Variants in CALN1 observed in about 807,000 individuals in gnomAD.
The protein encoded by CALN1 is calneuron 1.
Under a neutral mutation model 30.6 loss-of-function variants are expected in CALN1, and 17 were observed. The observed-to-expected ratio is 0.56, with a 90% confidence interval of 0.38 to 0.83. The LOEUF (loss-of-function observed/expected upper bound fraction) is 0.83. CALN1 is among the 40% of genes least tolerant of loss of function. CALN1 has a pLI of 0.00. For missense variants in CALN1, 291 were observed against 354.9 expected (o/e 0.82, Z 1.45); for synonymous variants, 156 against 131.4 (o/e 1.19, Z -1.28).
chr7:71,903,651 T>G (rs1211985671), intron 5 of CALN1, among the ~76,000 whole-genome samples: 2 of 152,144 alleles, frequency 1.3e-5, no homozygotes, highest in African/African-American at 2.4e-5. Context: ...GGGCAAAGAC[T>G]CTTTTGGGTA....
At chr7:72,163,025 T>C (rs1435463322) in intron 3 of CALN1, among the ~76,000 whole-genome samples, 1 of 152,220 alleles carries the variant, frequency 6.6e-6, no homozygotes, top group Non-Finnish European at 1.5e-5. Context: ...ATTGCCAGAA[T>C]GCTGAAAGTG....
chr7:72,174,389 C>T (rs1193303464), intron 3 of CALN1, among the ~76,000 whole-genome samples: 1 of 152,054 alleles, frequency 6.6e-6, no homozygotes, highest in Non-Finnish European at 1.5e-5. Context: ...TAGCTATTTA[C>T]CCAAGAGAAA....
chr7:72,094,186 A>G (rs768592631), intron 4 of CALN1, among the ~76,000 whole-genome samples: 1 of 152,258 alleles, frequency 6.6e-6, no homozygotes, highest in Non-Finnish European at 1.5e-5. Flanking sequence ...GAATAGGTGT[A>G]ACAATGGACT....
intron 2 of CALN1, among the ~76,000 whole-genome samples, chr7:72,288,559 A>G (rs544605336): frequency 2.2e-4 from 33 of 152,314 alleles, no homozygotes; most frequent in African/African-American, 7.5e-4. Flanking sequence ...AAACACCTTA[A>G]TGATTGTGAC....
rs1228846922 is a variant in CALN1 at position 72,364,341 on chromosome 7, G to A, written c.119+38910C>T. On this transcript the variant is annotated intron_variant, in intron 2 of 6. Coordinates refer to ENST00000395275, the MANE Select transcript of CALN1 (RefSeq NM_031468.4). ...CAGAGTCAAAATAATTAATGGGGAA[G>A]AACTAGCTCTACCTGAGCTTAAATA... is the stretch of plus-strand genomic sequence containing the variant. 2.0e-5 allele frequency among the ~76,000 whole-genome samples: 3 copies of A among 152,178 alleles called. No homozygotes were observed. In the East Asian group the frequency reaches 5.8e-4, roughly 29 times the overall value.
rs191723547 is a variant in CALN1, at chr7:72,166,415, C to T, written c.245-60121G>A. On this transcript the variant is annotated intron_variant, in intron 3 of 6. Coordinates refer to ENST00000395275, the MANE Select transcript of CALN1 (RefSeq NM_031468.4). ...GTGTTGCCCAGGCTGGTCTTGAACT[C>T]CTGGTCTCAAGTGATCCTTCCACCT... 3.6e-3 allele frequency among the ~76,000 whole-genome samples: 551 copies of T among 152,246 alleles called. 2 individuals are homozygous for T. The highest frequency in any genetic ancestry group is 0.027 in the Middle Eastern group (8 of 294).
chr7:72,323,678 A>AAAT (rs1801065463), intron 2 of CALN1, among the ~76,000 whole-genome samples: 1 of 108,752 alleles, frequency 9.2e-6, no homozygotes, highest in African/African-American at 2.7e-5. Flanking sequence ...AAAAAAATAA[A>AAAT]AAATAAAGAG....
chr7:71,975,940 T>G (rs1798080917), intron 5 of CALN1, among the ~76,000 whole-genome samples: 1 of 148,960 alleles, frequency 6.7e-6, no homozygotes, highest in South Asian at 2.3e-4. Flanking sequence ...TGGCAAAAAC[T>G]GCAATTACTT....
chr7:71,818,591 A>C (rs186585994), intron 5 of CALN1, among the ~76,000 whole-genome samples: 2 of 152,040 alleles, frequency 1.3e-5, no homozygotes, highest in Non-Finnish European at 2.9e-5. Context: ...GCTGGACTTG[A>C]ATTCCTGTGC....
intron 3 of CALN1, among the ~76,000 whole-genome samples, chr7:72,197,348 C>A (rs946134138): frequency 2.0e-5 from 3 of 151,882 alleles, no homozygotes; most frequent in Admixed American, 2.0e-4. Flanking sequence ...ATTACAGGCG[C>A]ACACCACCAC....
At chr7:71,838,874 T>C (rs921453366) in intron 5 of CALN1, among the ~76,000 whole-genome samples, 1 of 152,114 alleles carries the variant, frequency 6.6e-6, no homozygotes, top group African/African-American at 2.4e-5. Context: ...TCCCCAGCCA[T>C]ACTGAACTGT....
upstream of CALN1, among the ~76,000 whole-genome samples, chr7:72,413,284 A>G (rs1218218491): frequency 6.6e-6 from 1 of 151,160 alleles, no homozygotes; most frequent in Non-Finnish European, 1.5e-5. Context: ...ATGCACACAC[A>G]CACCACATGT....
chr7:72,392,270 C>G (rs150033179), intron 2 of CALN1, among the ~76,000 whole-genome samples: 1 of 152,188 alleles, frequency 6.6e-6, no homozygotes, highest in Non-Finnish European at 1.5e-5. Context: ...CCAGACATCT[C>G]GGAGCAGATA....
intron 2 of CALN1, among the ~76,000 whole-genome samples, chr7:72,378,240 A>G (rs1174957693): frequency 6.6e-6 from 1 of 152,118 alleles, no homozygotes; most frequent in Non-Finnish European, 1.5e-5. Context: ...TTTTTTGTGA[A>G]TGAGGTTTAT....
intron 2 of CALN1, among the ~76,000 whole-genome samples, chr7:72,345,045 T>G (rs573831799): frequency 1.0e-4 from 15 of 148,176 alleles, no homozygotes; most frequent in Middle Eastern, 7.1e-3. Flanking sequence ...TTATATATTA[T>G]ATCGTATGTA....
chr7:72,407,404 G>A (rs554297246), intron 1 of CALN1, among the ~76,000 whole-genome samples: 8 of 152,338 alleles, frequency 5.3e-5, no homozygotes, highest in African/African-American at 1.9e-4. Flanking sequence ...TGTTGGAGGT[G>A]GGGCCTGGTA....
At chr7:72,476,042 G>A in the CALN1 span, among the ~76,000 whole-genome samples, 3 of 145,610 alleles carry the variant, frequency 2.1e-5, no homozygotes, top group South Asian at 2.2e-4. Context: ...TCTGCCTCCC[G>A]GGTTCAAGAG....
At chr7:72,171,864 C>T (rs561581019) in intron 3 of CALN1, among the ~76,000 whole-genome samples, 1 of 152,164 alleles carries the variant, frequency 6.6e-6, no homozygotes, top group Admixed American at 6.5e-5. Context: ...ACACACACAC[C>T]CATCTTTGAT....
chr7:72,112,559 T>C (rs1807657602), intron 3 of CALN1, among the ~76,000 whole-genome samples: 1 of 152,150 alleles, frequency 6.6e-6, no homozygotes, highest in African/African-American at 2.4e-5. Flanking sequence ...AAATGTAAGA[T>C]ACAAACCTAG....
Sources: gnomAD v4.1 joint callset for allele counts (sites outside exome capture counted in the v4.1 genomes callset) on GRCh38, gnomAD v4.1.1 for gene constraint, MANE v1.5 for transcripts, NCBI Gene and HGNC (gene_info 2026-07-23, HGNC 2026-07-21) for gene names.